The following BCAR3 variants were observed in gnomAD, a reference collection of about 807,000 sequenced individuals.
BCAR3 encodes breast cancer anti-estrogen resistance protein 3.
A neutral mutation model predicts 80.1 loss-of-function variants in BCAR3; 37 were observed. The ratio of observed to expected loss-of-function variants is 0.46; its 90% CI spans 0.36 to 0.61. BCAR3 has a LOEUF of 0.61. Among genes scored for constraint, BCAR3 ranks in the 20% least tolerant of loss-of-function variants. The pLI, the probability that BCAR3 is intolerant of heterozygous loss-of-function variation, is 0.00. For missense variants in BCAR3, 978 were observed against 1,068.2 expected, an observed-to-expected ratio of 0.92 and a Z score of 1.18; for synonymous variants, 389 against 418.9, an observed-to-expected ratio of 0.93 and a Z score of 0.87.
At chr1:93,832,053 C>T (rs993013305) in intron 2 of BCAR3, among the ~76,000 whole-genome samples, 2 of 152,154 alleles carry the variant, frequency 1.3e-5, no homozygotes, top group Non-Finnish European at 2.9e-5. Flanking sequence ...ATCTTATTCT[C>T]GATATGTGTT....
chr1:93,619,800 G>C (rs1246083281), intron 3 of BCAR3, among the ~76,000 whole-genome samples: 2 of 152,228 alleles, frequency 1.3e-5, no homozygotes, highest in Non-Finnish European at 2.9e-5. Flanking sequence ...AAACTGAGCT[G>C]TGAGACAGAC....
At chr1:93,746,587 C>A (rs1265345418) in intron 2 of BCAR3, among the ~76,000 whole-genome samples, 1 of 152,212 alleles carries the variant, frequency 6.6e-6, no homozygotes, top group Non-Finnish European at 1.5e-5. Flanking sequence ...TCGGTGAACA[C>A]AAGGTTTGCC....
chr1:93,627,221 C>T (rs1172376735), intron 3 of BCAR3, among the ~76,000 whole-genome samples: 1 of 152,066 alleles, frequency 6.6e-6, no homozygotes, highest in Non-Finnish European at 1.5e-5. Context: ...AACTCGTAAA[C>T]CAATATTTTT....
At chr1:93,821,006 CA>C (rs1270724023) in intron 2 of BCAR3, among the ~76,000 whole-genome samples, 4 of 151,600 alleles carry the variant, frequency 2.6e-5, no homozygotes, top group Admixed American at 1.3e-4. Context: ...AAAAACAAAA[CA>C]AAAAAAACTC....
intron 2 of BCAR3, among the ~76,000 whole-genome samples, chr1:93,832,325 A>T (rs909753390): frequency 1.3e-5 from 2 of 152,122 alleles, no homozygotes; most frequent in African/African-American, 4.8e-5. Flanking sequence ...CTACCCCAGG[A>T]TCTTGCTTCA....
At chr1:93,653,572 G>A (rs971297075) in intron 2 of BCAR3, among the ~76,000 whole-genome samples, 7 of 152,190 alleles carry the variant, frequency 4.6e-5, no homozygotes, top group African/African-American at 7.2e-5. Flanking sequence ...AATATGCCAT[G>A]CACTAGGCTA....
Position 93,584,033 on chromosome 1 carries a change from T to A in BCAR3, c.1018A>T (p.Ser340Cys), listed in dbSNP as rs965755739. Residue 340 changes from serine (S) to cysteine (C), a missense_variant, in exon 6 of 12, where the codon AGC (serine) becomes TGC (cysteine). Physicochemically the swap from Ser to Cys is moderately radical, Grantham distance 112. Coordinates refer to ENST00000260502, the MANE Select transcript of BCAR3 (RefSeq NM_003567.4). ...ALSLKAHQSE[S>C]YLPIGCKLPP... is the part of the protein sequence containing the mutation. ...CGAAACATACCAATCGGCAGGTAGCTCTCTGACTGGTGGGCTTTGAGGGAC... is the reference window on the plus strand; with the variant it reads ...CGAAACATACCAATCGGCAGGTAGCACTCTGACTGGTGGGCTTTGAGGGAC... 3.9e-5 allele frequency: 63 copies of A among 1,613,894 alleles called. No homozygotes were observed. Among genetic ancestry groups the A allele is most frequent in the Non-Finnish European group, 5.0e-5 (59 of 1,179,992 alleles).
intron 2 of BCAR3, among the ~76,000 whole-genome samples, chr1:93,650,565 A>T (rs1433972438): frequency 6.6e-6 from 1 of 152,200 alleles, no homozygotes; most frequent in Non-Finnish European, 1.5e-5. Context: ...TGTGTCATCT[A>T]TAAAATGGGA....
chr1:93,570,629 G>C (rs923221708), intron 9 of BCAR3, among the ~76,000 whole-genome samples: 1 of 152,176 alleles, frequency 6.6e-6, no homozygotes, highest in Admixed American at 6.5e-5. Context: ...CCAGGAATCC[G>C]AACTTTTTAA....
At chr1:93,696,042 C>CTTTTTT (rs35365686) in intron 3 of BCAR3, among the ~76,000 whole-genome samples, 1 of 146,238 alleles carries the variant, frequency 6.8e-6, no homozygotes, top group Non-Finnish European at 1.5e-5. Flanking sequence ...CTGCTTCTCT[C>CTTTTTT]TTTTTTTTTT....
At chr1:93,687,251 A>G (rs1649006805) in intron 3 of BCAR3, among the ~76,000 whole-genome samples, 1 of 152,184 alleles carries the variant, frequency 6.6e-6, no homozygotes, top group Admixed American at 6.5e-5. Context: ...TTAGAATTCA[A>G]ACTTCTTCAA....
Position 93,562,444 on chromosome 1 carries a change from G to T in BCAR3, c.2300-25C>A, listed in dbSNP as rs764439486. On this transcript the variant is annotated intron_variant, in intron 11 of 11. Coordinates refer to ENST00000260502, the MANE Select transcript of BCAR3 (RefSeq NM_003567.4). ...CCTAATGAAACAAAATAAACAAAAA[G>T]TTACTTCAGTTCTGCCTAAGATGTG... 6.8e-6 allele frequency: 11 copies of T among 1,606,232 alleles called. No individual in the cohort carries two copies. In the Admixed American group the frequency reaches 1.8e-4, roughly 27 times the overall value.
At chr1:93,699,709 G>GT (rs1324094264) in intron 3 of BCAR3, among the ~76,000 whole-genome samples, 4 of 152,158 alleles carry the variant, frequency 2.6e-5, no homozygotes, top group Non-Finnish European at 1.5e-5. Flanking sequence ...TTTAGTTCAT[G>GT]TGGGAGTGGA....
At chr1:93,763,166 C>T (rs1281380625) in intron 2 of BCAR3, among the ~76,000 whole-genome samples, 2 of 152,198 alleles carry the variant, frequency 1.3e-5, no homozygotes, top group East Asian at 3.8e-4. Flanking sequence ...CAGGCTCAGG[C>T]AATCCTCCCA....
intron 2 of BCAR3, among the ~76,000 whole-genome samples, chr1:93,744,019 C>T (rs1283042952): frequency 2.0e-5 from 3 of 152,174 alleles, no homozygotes; most frequent in Non-Finnish European, 2.9e-5. Context: ...CCTGATTAGC[C>T]TGAGGCCTGG....
chr1:93,750,110 G>C (rs1376214230), intron 2 of BCAR3, among the ~76,000 whole-genome samples: 3 of 152,192 alleles, frequency 2.0e-5, no homozygotes, highest in Non-Finnish European at 4.4e-5. Flanking sequence ...CCAGGTGTGA[G>C]CTAAGTGGAA....
intron 3 of BCAR3, among the ~76,000 whole-genome samples, chr1:93,613,664 T>A (rs1254814485): frequency 6.6e-6 from 1 of 152,206 alleles, no homozygotes; most frequent in East Asian, 1.9e-4. Flanking sequence ...TCTGTGCCAC[T>A]GGGTTCTGCT....
At chr1:93,789,274 C>CTGTAATTAA (rs1653056076) in intron 2 of BCAR3, among the ~76,000 whole-genome samples, 1 of 152,182 alleles carries the variant, frequency 6.6e-6, no homozygotes, top group African/African-American at 2.4e-5. Context: ...CTACACCCAA[C>CTGTAATTAA]CTATTAAAAT....
rs775164598 is a variant in BCAR3 at position 93,582,639 on chromosome 1, C to T, written c.1348G>A (p.Ala450Thr). The T allele has an allele frequency of 1.2e-6, 2 of 1,614,014 alleles. No homozygotes were observed. The highest frequency in any genetic ancestry group is 1.1e-5 in the South Asian group (1 of 91,074). The change falls in exon 7 of 12, where the codon GCC becomes ACC. Residue 450 changes from alanine (A) to threonine (T), a missense_variant. Ala to Thr is a moderately conservative substitution (Grantham distance 58). Transcript: ENST00000260502. ...CGRGAKLPSC[A>T]QGSHTELLTA... ...AGCAGTTCTGTGTGGCTTCCCTGGGCACATGAGGGTAGCTTTGCTCCCCTG... is the reference window on the plus strand; with the variant it reads ...AGCAGTTCTGTGTGGCTTCCCTGGGTACATGAGGGTAGCTTTGCTCCCCTG...
Sources: allele counts gnomAD v4.1 joint callset (sites outside exome capture counted in the v4.1 genomes callset), GRCh38; gene constraint gnomAD v4.1.1; transcripts MANE v1.5; gene names NCBI Gene and HGNC (gene_info 2026-07-23, HGNC 2026-07-21).